CDH13: variants seen among roughly 807,000 people sequenced by gnomAD.
CDH13 encodes cadherin-13.
Under a neutral mutation model 63.8 loss-of-function variants are expected in CDH13, and 24 were observed. That is an observed-to-expected ratio of 0.38 (90% CI 0.27 to 0.53). The LOEUF is 0.53. Among genes scored for constraint, CDH13 ranks in the 20% least tolerant of loss-of-function variants. The pLI is 0.85. For missense variants in CDH13, 1,049 were observed against 903.1 expected (o/e 1.16, Z -2.07); for synonymous variants, 503 against 355.3 (o/e 1.42, Z -4.67).
chr16:83,457,939 G>A (rs544040280), intron 6 of CDH13, among the ~76,000 whole-genome samples: 54 of 152,268 alleles, frequency 3.5e-4, no homozygotes, highest in African/African-American at 1.2e-3. Flanking sequence ...AACCCTCATC[G>A]GACATACGCA....
At chr16:83,368,887 TATATA>T (rs2091305873) in intron 6 of CDH13, among the ~76,000 whole-genome samples, 1,417 of 37,952 alleles carry the variant, frequency 0.037, 249 homozygotes, top group East Asian at 0.084. Flanking sequence ...TTCCATGTTA[TATATA>T]TATATATATA....
chr16:83,097,069 C>G (rs1369397721), intron 3 of CDH13, among the ~76,000 whole-genome samples: 2 of 152,162 alleles, frequency 1.3e-5, no homozygotes, highest in Admixed American at 6.5e-5. Context: ...TCACTTTTCT[C>G]TGTGTACTGT....
intron 3 of CDH13, among the ~76,000 whole-genome samples, chr16:83,065,459 C>T (rs746672343): frequency 3.9e-5 from 6 of 152,172 alleles, no homozygotes; most frequent in Non-Finnish European, 8.8e-5. Flanking sequence ...AATCCCAACA[C>T]TTTGGAAGGC....
Position 83,028,965 on chromosome 16 carries a change from A to G in CDH13, c.158-3045A>G, listed in dbSNP as rs570752328. Among the ~76,000 whole-genome samples, 4 of 152,264 alleles carry G rather than the reference A, an allele frequency of 2.6e-5. No homozygotes were observed. The East Asian group carries it at 5.8e-4, about 22-fold the overall frequency. ...TCCAGGGTTCAAATCCTGGCTCATC[A>G]TTTACAACCTGTGTGTACTGGGCAC... On this transcript the variant is annotated intron_variant, in intron 2 of 13. Transcript: ENST00000567109.
chr16:83,464,340 C>T (rs915108234), intron 6 of CDH13, among the ~76,000 whole-genome samples: 7 of 151,966 alleles, frequency 4.6e-5, no homozygotes, highest in Admixed American at 6.6e-5. Context: ...TGGTGAAACC[C>T]TGTCTTTACT....
chr16:83,460,382 C>T (rs972361315), intron 6 of CDH13, among the ~76,000 whole-genome samples: 18 of 152,220 alleles, frequency 1.2e-4, no homozygotes, highest in African/African-American at 4.3e-4. Flanking sequence ...AAGATAATCT[C>T]TGCAAGGAAT....
chr16:83,189,670 G>A (rs558025398), intron 4 of CDH13, among the ~76,000 whole-genome samples: 2 of 152,168 alleles, frequency 1.3e-5, no homozygotes, highest in African/African-American at 4.8e-5. Context: ...TCCTGCCACA[G>A]ACACTTGGTC....
At chr16:82,893,583 G>A (rs542409850) in intron 2 of CDH13, among the ~76,000 whole-genome samples, 1 of 152,346 alleles carries the variant, frequency 6.6e-6, no homozygotes, top group South Asian at 2.1e-4. Flanking sequence ...ATGCAGGAAA[G>A]TGAACCTCTT....
chr16:82,811,462 T>C, intron 1 of CDH13, among the ~76,000 whole-genome samples: 1 of 152,186 alleles, frequency 6.6e-6, no homozygotes, highest in East Asian at 1.9e-4. Context: ...TGTGATATAA[T>C]AACTTTTTTC....
At chr16:83,167,965 A>T (rs1422671770) in intron 4 of CDH13, among the ~76,000 whole-genome samples, 2 of 152,050 alleles carry the variant, frequency 1.3e-5, no homozygotes, top group Admixed American at 1.3e-4. Flanking sequence ...ACCAAATACC[A>T]CATGTTCTCA....
intron 5 of CDH13, among the ~76,000 whole-genome samples, chr16:83,326,861 A>G (rs2090374482): frequency 6.6e-6 from 1 of 152,232 alleles, no homozygotes; most frequent in Admixed American, 6.5e-5. Context: ...TCCTAAGCCC[A>G]GAACCTATGC....
At chr16:83,429,597 A>G (rs527287472) in intron 6 of CDH13, among the ~76,000 whole-genome samples, 3 of 152,164 alleles carry the variant, frequency 2.0e-5, no homozygotes, top group African/African-American at 7.2e-5. Context: ...ATAAAAATAA[A>G]TTACCTGGTC....
At chr16:82,989,739 C>T (rs1911419594) in intron 2 of CDH13, among the ~76,000 whole-genome samples, 1 of 152,194 alleles carries the variant, frequency 6.6e-6, no homozygotes, top group African/African-American at 2.4e-5. Flanking sequence ...CTTAACCCAC[C>T]TATACAGAAG....
At chr16:83,669,124 A>T (rs1483762429) in intron 8 of CDH13, among the ~76,000 whole-genome samples, 7 of 152,152 alleles carry the variant, frequency 4.6e-5, no homozygotes, top group Non-Finnish European at 1.0e-4. Context: ...ATCTGAATTG[A>T]TTCCCTGACT....
At chr16:82,657,536 A>G (rs1044760369) in intron 1 of CDH13, among the ~76,000 whole-genome samples, 3 of 152,150 alleles carry the variant, frequency 2.0e-5, no homozygotes, top group Non-Finnish European at 2.9e-5. Context: ...TATTTTTGGA[A>G]TTTTTCTATT....
intron 6 of CDH13, among the ~76,000 whole-genome samples, chr16:83,444,583 C>T (rs1242986330): frequency 6.6e-6 from 1 of 152,170 alleles, no homozygotes; most frequent in Non-Finnish European, 1.5e-5. Flanking sequence ...ACCATGTCCT[C>T]TCTTGTGAAG....
At chr16:82,944,341 A>G (rs1002121572) in intron 2 of CDH13, among the ~76,000 whole-genome samples, 5 of 152,154 alleles carry the variant, frequency 3.3e-5, no homozygotes, top group Admixed American at 6.6e-5. Flanking sequence ...GTGTTTACCG[A>G]TACTGTGTGT....
chr16:82,990,774 G>A (rs147514318), intron 2 of CDH13, among the ~76,000 whole-genome samples: 43 of 152,084 alleles, frequency 2.8e-4, no homozygotes, highest in Non-Finnish European at 1.0e-4. Flanking sequence ...TTGAACTCCT[G>A]GTCTGAAGTG....
chr16:83,110,137 G>A (rs1222777515), intron 3 of CDH13, among the ~76,000 whole-genome samples: 1 of 152,182 alleles, frequency 6.6e-6, no homozygotes, highest in Non-Finnish European at 1.5e-5. Flanking sequence ...TATAGAGCTG[G>A]ATTAAGTCTC....
Sources: allele counts gnomAD v4.1 joint callset (sites outside exome capture counted in the v4.1 genomes callset), GRCh38; gene constraint gnomAD v4.1.1; transcripts MANE v1.5; gene names NCBI Gene and HGNC (gene_info 2026-07-23, HGNC 2026-07-21).